CFAP206: variants seen among roughly 807,000 people sequenced by gnomAD.
The protein encoded by CFAP206 is cilia and flagella associated protein 206.
A neutral mutation model predicts 65.4 loss-of-function variants in CFAP206; 53 were observed. The ratio of observed to expected loss-of-function variants is 0.81; its 90% CI spans 0.65 to 1.02. The LOEUF (loss-of-function observed/expected upper bound fraction) is 1.02, where lower values mean the gene tolerates loss of function less well. Among genes scored for constraint, CFAP206 ranks in the 50% least tolerant of loss-of-function variants. The pLI is 0.00. For missense variants in CFAP206, 663 were observed against 753.2 expected, an observed-to-expected ratio of 0.88 and a Z score of 1.40; for synonymous variants, 250 against 254.4, an observed-to-expected ratio of 0.98 and a Z score of 0.17.
chr6:87,449,939 A>G (rs1323994387), intron 11 of CFAP206, among the ~76,000 whole-genome samples: 2 of 152,142 alleles, frequency 1.3e-5, no homozygotes, highest in East Asian at 3.9e-4. Context: ...AGTTTCTTCC[A>G]GTAGTTTCAT....
rs6923548 is a variant in CFAP206, at chr6:87,430,925, A to T, written c.1160-108A>T. 1,511 of 1,033,758 alleles carry T rather than the reference A, an allele frequency of 1.5e-3. 19 individuals carry two copies. The African/African-American group carries it at 0.022, about 15-fold the overall frequency. The allele number at this position is 1,033,758 out of a possible 1,614,324, so 64.0% of individuals were successfully genotyped here. On this transcript the variant is annotated intron_variant, in intron 9 of 12. Coordinates refer to ENST00000369562, the MANE Select transcript of CFAP206 (RefSeq NM_001031743.3). ...TATCAAGTTTTTGCCCATCGGGAAA[A>T]GTACAAAGCAATAAAAAGGTAATGT...
chr6:87,442,201 C>A (rs538727688), intron 11 of CFAP206: 1 of 153,490 alleles, frequency 6.5e-6, no homozygotes, highest in South Asian at 2.1e-4. Flanking sequence ...AAATGAAATA[C>A]CTTTTTCTTT....
At chr6:87,441,551 A>T (rs553968832) in intron 11 of CFAP206, 1 of 162,074 alleles carries the variant, frequency 6.2e-6, no homozygotes, top group East Asian at 1.9e-4. Context: ...CTCATGAGTG[A>T]CATCCTTTGT....
At position 87,461,028 on chromosome 6, in the gene CFAP206, G is replaced by C. The variant is rs771795856; in HGVS notation, c.1501G>C (p.Asp501His). 3 of 1,575,106 alleles carry C rather than the reference G, an allele frequency of 1.9e-6. No homozygotes were observed. The highest frequency in any genetic ancestry group is 2.8e-5 in the African/African-American group (2 of 72,276). The change falls in exon 12 of 13, where the codon GAT becomes CAT. Residue 501 changes from aspartate (D) to histidine (H), a missense_variant. Physicochemically the swap from Asp to His is moderately conservative, Grantham distance 81. Coordinates refer to ENST00000369562, the MANE Select transcript of CFAP206 (RefSeq NM_001031743.3). ...ETFIPYSQMR[D>H]ADKHYIKPIT... ...CAAAACTCCACTTCTTTAGATGAGA[G>C]ATGCTGACAAACATTATATAAAACC...
chr6:87,454,792 C>T (rs1768605971), intron 11 of CFAP206, among the ~76,000 whole-genome samples: 1 of 137,986 alleles, frequency 7.2e-6, no homozygotes, highest in Non-Finnish European at 1.5e-5. Context: ...CTACAGTGAG[C>T]TGAGATTGCG....
chr6:87,418,243 A>G lies in CFAP206; in HGVS notation c.667A>G (p.Met223Val). 1.9e-6 allele frequency: 3 copies of G among 1,614,128 alleles called. No individual in the cohort carries two copies. The highest frequency in any genetic ancestry group is 2.2e-5 in the East Asian group (1 of 44,880). ...TCTCCATGTAGCAATCCCAGCCACC[A>G]TGCAGCATATTGATTACCAGCTTGA... ...AVLHVAIPATMQHIDYQLETA... is the reference protein window; with the variant it reads ...AVLHVAIPATVQHIDYQLETA... Residue 223 changes from methionine to valine, a missense_variant, in exon 7 of 13, where the codon ATG (methionine) becomes GTG (valine). Coordinates refer to ENST00000369562, the MANE Select transcript of CFAP206 (RefSeq NM_001031743.3).
chr6:87,433,517 G>GTC (rs2127952578), intron 10 of CFAP206, among the ~76,000 whole-genome samples: 2 of 152,260 alleles, frequency 1.3e-5, no homozygotes, highest in Non-Finnish European at 2.9e-5. Context: ...TGGAAAAGAT[G>GTC]TCCCATTTTT....
chr6:87,436,210 T>G (rs113207571), intron 11 of CFAP206, among the ~76,000 whole-genome samples: 1 of 151,444 alleles, frequency 6.6e-6, no homozygotes, highest in Non-Finnish European at 1.5e-5. Context: ...CTCAACTTTC[T>G]GAGTAGCTGG....
intron 11 of CFAP206, chr6:87,444,827 A>G (rs1434646581): frequency 2.2e-5 from 12 of 552,822 alleles, no homozygotes; most frequent in East Asian, 4.7e-5. Flanking sequence ...TTGTAATCCA[A>G]TTTACAGACA....
At chr6:87,413,590 G>T (rs929969335) in intron 3 of CFAP206, among the ~76,000 whole-genome samples, 1 of 151,762 alleles carries the variant, frequency 6.6e-6, no homozygotes, top group Non-Finnish European at 1.5e-5. Context: ...GTAACAAAAT[G>T]ACACTTGTAC....
At chr6:87,455,711 C>G (rs2127957087) in intron 11 of CFAP206, among the ~76,000 whole-genome samples, 1 of 152,114 alleles carries the variant, frequency 6.6e-6, no homozygotes. Context: ...ATTCAAAGGA[C>G]CACTAGAGGC....
rs543988781 is a variant in CFAP206, at chr6:87,408,123, G to A, written c.-6+34G>A. On this transcript the variant is annotated intron_variant, in intron 1 of 12. Transcript: ENST00000369562. ...ACTCGGGGCTCCGCGCCCTTGACCC[G>A]GAGGCGTACCCCGCCAGGCGGCGAG... The A allele has an allele frequency of 4.9e-3, 4,743 of 968,232 alleles. 16 individuals carry two copies. The highest frequency in any genetic ancestry group is 6.4e-3 in the Admixed American group (104 of 16,282). 60.0% of individuals were successfully genotyped at this position (968,232 alleles called of 1,614,324 possible).
intron 9 of CFAP206, 42 bp from the exon 10 acceptor site, chr6:87,430,991 T>A (rs766627423): frequency 6.3e-7 from 1 of 1,592,690 alleles, no homozygotes; most frequent in Non-Finnish European, 8.6e-7. Flanking sequence ...AAATTTAACC[T>A]TCTCACTGAA....
At chr6:87,413,566 C>T (rs538421161) in intron 3 of CFAP206, among the ~76,000 whole-genome samples, 5 of 151,922 alleles carry the variant, frequency 3.3e-5, no homozygotes, top group African/African-American at 9.7e-5. Flanking sequence ...CACCACTACA[C>T]GCAATATATC....
chr6:87,408,491 AGCGCGCACACAGAT>A lies in CFAP206; in HGVS notation c.-6+403_-6+416del, dbSNP rs1354910138. ...ATCCGGAGCGCGCACACAGATCCGG[AGCGCGCACACAGAT>A]CCGGAGCGCGCACACAGATCCGGAG... On this transcript the variant is annotated intron_variant, in intron 1 of 12. Coordinates refer to ENST00000369562, the MANE Select transcript of CFAP206 (RefSeq NM_001031743.3). 4.2e-5 allele frequency: 3 copies of A among 71,552 alleles called. 1 individual carries two copies. Among genetic ancestry groups the A allele is most frequent in the African/African-American group, 2.0e-4 (3 of 14,870 alleles). The allele number at this position is 71,552 out of a possible 1,614,324, so 4.4% of individuals were successfully genotyped here.
chr6:87,420,754 T>G (rs1338537154), intron 7 of CFAP206, among the ~76,000 whole-genome samples: 1 of 152,194 alleles, frequency 6.6e-6, no homozygotes, highest in Non-Finnish European at 1.5e-5. Context: ...GAGCTTTTAT[T>G]TTTCCATACA....
chr6:87,416,121 C>G (rs1319309079), intron 5 of CFAP206, among the ~76,000 whole-genome samples: 1 of 152,062 alleles, frequency 6.6e-6, no homozygotes, highest in Non-Finnish European at 1.5e-5. Flanking sequence ...CATATCTAGG[C>G]ACCTATTACA....
chr6:87,415,370 G>A (rs2127947785), intron 4 of CFAP206, among the ~76,000 whole-genome samples: 1 of 149,906 alleles, frequency 6.7e-6, no homozygotes, highest in East Asian at 1.9e-4. Flanking sequence ...ATATTTTGTA[G>A]AAATGGTCTT....
intron 7 of CFAP206, 129 bp from the exon 8 acceptor site, chr6:87,426,397 G>A (rs111517727): frequency 9.8e-5 from 55 of 561,760 alleles, no homozygotes; most frequent in Middle Eastern, 1.1e-3. Context: ...AGGATCTTGC[G>A]GAGAACAGAC....
Sources: allele counts gnomAD v4.1 joint callset (sites outside exome capture counted in the v4.1 genomes callset), GRCh38; gene constraint gnomAD v4.1.1; transcripts MANE v1.5; gene names NCBI Gene and HGNC (gene_info 2026-07-23, HGNC 2026-07-21).